FRMPD4: variants seen among roughly 807,000 people sequenced by gnomAD.
FRMPD4 encodes FERM and PDZ domain containing 4.
Under a neutral mutation model 94.1 loss-of-function variants are expected in FRMPD4, and 22 were observed. The ratio of observed to expected loss-of-function variants is 0.23; its 90% CI spans 0.17 to 0.33. The LOEUF is 0.33. Among genes scored for constraint, FRMPD4 ranks in the 10% least tolerant of loss-of-function variants. The pLI is 1.00. For missense variants in FRMPD4, 1,111 were observed against 1,339.9 expected, an observed-to-expected ratio of 0.83 and a Z score of 2.67; for synonymous variants, 631 against 548.6, an observed-to-expected ratio of 1.15 and a Z score of -2.10.
chrX:12,213,161 G>A (rs2056771479), intron 1 of FRMPD4, among the ~76,000 whole-genome samples: 1 of 111,459 alleles, frequency 9.0e-6, no homozygotes, highest in African/African-American at 3.3e-5. Flanking sequence ...GACTTCTCGG[G>A]TTCTAGAGCT....
At chrX:11,850,267 G>T (rs1004678790) in intron 1 of FRMPD4, among the ~76,000 whole-genome samples, 24 of 112,156 alleles carry the variant, frequency 2.1e-4, no homozygotes, top group African/African-American at 7.4e-4. Context: ...TAAAAACAAA[G>T]AAACAAACAA....
chrX:11,978,462 T>C (rs1000515710), intron 3 of FRMPD4, among the ~76,000 whole-genome samples: 1 of 111,018 alleles, frequency 9.0e-6, no homozygotes, highest in Non-Finnish European at 1.9e-5. Flanking sequence ...TTTAGCAAGA[T>C]TGAAATATCT....
intron 1 of FRMPD4, among the ~76,000 whole-genome samples, chrX:12,416,715 C>A (rs1352147165): frequency 1.8e-5 from 2 of 111,612 alleles, no homozygotes; most frequent in Non-Finnish European, 3.8e-5. Flanking sequence ...ATGATGAGAG[C>A]TGATTTGTTT....
chrX:12,599,281 G>A (rs1342710520), intron 2 of FRMPD4, among the ~76,000 whole-genome samples: 1 of 106,615 alleles, frequency 9.4e-6, no homozygotes, highest in East Asian at 2.9e-4. Context: ...TCAAGCTTTT[G>A]TTCAAAAATG....
intron 1 of FRMPD4, among the ~76,000 whole-genome samples, chrX:12,463,681 G>GTGTTTTTTTTGT (rs1555969426): frequency 9.8e-5 from 5 of 51,046 alleles, no homozygotes; most frequent in Non-Finnish European, 1.7e-4. Context: ...CTATGTGTGT[G>GTGTTTTTTTTGT]TTTTTTTTTT....
rs764983781 is a variant in FRMPD4 at position 12,093,180 on chromosome X, A to G, written c.95+215162A>G. Among the ~76,000 whole-genome samples the G allele has an allele frequency of 4.5e-5, 5 of 111,461 alleles. No homozygotes were observed. The South Asian group carries it at 1.2e-3, about 26-fold the overall frequency. On this transcript the variant is annotated intron_variant, in intron 3 of 18. Transcript: ENST00000640291. Reference sequence around the variant, plus strand: ...AGTACAGTGTCCATAGAATGTGGGGAAGATTGTGGCTTTTCCTTTGGGCAA... The same window carrying G: ...AGTACAGTGTCCATAGAATGTGGGGGAGATTGTGGCTTTTCCTTTGGGCAA...
chrX:12,605,592 TC>T (rs948644058), intron 2 of FRMPD4, among the ~76,000 whole-genome samples: 1 of 111,255 alleles, frequency 9.0e-6, no homozygotes, highest in Non-Finnish European at 1.9e-5. Context: ...GTGATCTGTG[TC>T]CCTCCTTCCC....
At chrX:12,539,022 GA>G (rs2058373644) in intron 2 of FRMPD4, among the ~76,000 whole-genome samples, 1 of 111,703 alleles carries the variant, frequency 9.0e-6, no homozygotes, top group Non-Finnish European at 1.9e-5. Flanking sequence ...CCATCGCAAA[GA>G]AGCTAAAAAC....
At chrX:12,684,542 G>A (rs899822687) in intron 6 of FRMPD4, among the ~76,000 whole-genome samples, 1 of 111,393 alleles carries the variant, frequency 9.0e-6, no homozygotes. Flanking sequence ...TGTGGGGAAG[G>A]CTAGAGGCTG....
chrX:11,946,423 A>G, intron 3 of FRMPD4, among the ~76,000 whole-genome samples: 1 of 111,042 alleles, frequency 9.0e-6, no homozygotes, highest in Non-Finnish European at 1.9e-5. Context: ...GATTTGGCCA[A>G]TGAAATGTGA....
chrX:12,245,528 TTTTTTCAAGGAGTTCTTGGCTTCC>T (rs2053944428), intron 1 of FRMPD4, among the ~76,000 whole-genome samples: 1 of 104,257 alleles, frequency 9.6e-6, no homozygotes, highest in Non-Finnish European at 2.0e-5. Context: ...TTTTTTTTTT[TTTTTTCAAGGAGTTCTTGGCTTCC>T]TCTCATAGAG....
At chrX:12,410,443 T>C (rs1026039562) in intron 1 of FRMPD4, among the ~76,000 whole-genome samples, 1 of 111,438 alleles carries the variant, frequency 9.0e-6, no homozygotes, top group Non-Finnish European at 1.9e-5. Context: ...CACCTCATGC[T>C]CCATGGTGTG....
intron 1 of FRMPD4, among the ~76,000 whole-genome samples, chrX:12,221,916 G>A (rs2056872909): frequency 8.9e-6 from 1 of 112,056 alleles, no homozygotes; most frequent in Admixed American, 9.5e-5. Flanking sequence ...TTAAGATGAT[G>A]TTTATGAAGA....
At chrX:12,036,360 T>C (rs2054720276) in intron 3 of FRMPD4, among the ~76,000 whole-genome samples, 1 of 111,774 alleles carries the variant, frequency 8.9e-6, no homozygotes, top group Non-Finnish European at 1.9e-5. Context: ...GGCAGAGGCA[T>C]GAGAAATAAA....
intron 1 of FRMPD4, among the ~76,000 whole-genome samples, chrX:12,252,311 C>T (rs2054052295): frequency 9.0e-6 from 1 of 111,362 alleles, no homozygotes; most frequent in Admixed American, 9.6e-5. Context: ...CTATATTTGC[C>T]TGAACCAGTG....
chrX:12,467,344 T>C (rs2057460251), intron 1 of FRMPD4, among the ~76,000 whole-genome samples: 1 of 112,132 alleles, frequency 8.9e-6, no homozygotes, highest in Admixed American at 9.5e-5. Context: ...TTTTTACAGC[T>C]GAAGACTGGA....
chrX:12,237,632 ACTC>A (rs1458011126), intron 1 of FRMPD4, among the ~76,000 whole-genome samples: 1 of 110,901 alleles, frequency 9.0e-6, no homozygotes, highest in African/African-American at 3.3e-5. Context: ...ATTTTTTACT[ACTC>A]CTTTCTCTTT....
intron 2 of FRMPD4, among the ~76,000 whole-genome samples, chrX:12,554,840 C>T (rs1185694151): frequency 2.7e-5 from 3 of 111,702 alleles, no homozygotes; most frequent in Non-Finnish European, 5.6e-5. Flanking sequence ...TCTCCAACTC[C>T]TGAGGCTCAA....
chrX:12,720,826 G>A lies in FRMPD4; in HGVS notation c.4257G>A (p.Glu1419=). ...CTGTCGATTTGGAGACCTTCCGAGA[G>A]AGAACCAAGGGTGCAGTCAGCTTAA... ...SGSVDLETFR[E]RTKGAVSLKC... The change falls in exon 17 of 17, where the codon GAG becomes GAA. Residue 1419 remains glutamate, a synonymous_variant. Coordinates refer to ENST00000675598, the MANE Select transcript of FRMPD4 (RefSeq NM_001368397.1). 1 of 949,862 alleles carries A rather than the reference G, an allele frequency of 1.1e-6. No homozygotes were observed. Among genetic ancestry groups the A allele is most frequent in the Non-Finnish European group, 1.3e-6 (1 of 760,814 alleles). The allele number at this position is 949,862 out of a possible 1,213,427, so 78.3% of individuals were successfully genotyped here. A position where few individuals can be genotyped will look rare whatever the true frequency, so the allele number is the denominator to read the frequency against.
Sources: gnomAD v4.1 joint callset for allele counts (sites outside exome capture counted in the v4.1 genomes callset) on GRCh38, gnomAD v4.1.1 for gene constraint, MANE v1.5 for transcripts, NCBI Gene and HGNC (gene_info 2026-07-23, HGNC 2026-07-21) for gene names.